FAT1: variants seen among roughly 807,000 people sequenced by gnomAD.
FAT1 encodes the protein FAT atypical cadherin 1.
A neutral mutation model predicts 329.8 loss-of-function variants in FAT1; 171 were observed. The observed-to-expected ratio is 0.52, with a 90% CI of 0.46 to 0.59. The LOEUF is 0.59. Among genes scored for constraint, FAT1 ranks in the 20% least tolerant of loss-of-function variants. FAT1 has a pLI of 0.00. For missense variants in FAT1, 5,672 were observed against 5,774.4 expected, an observed-to-expected ratio of 0.98 and a Z score of 0.57; for synonymous variants, 2,233 against 2,228.6, an observed-to-expected ratio of 1.00 and a Z score of -0.06.
chr4:186,644,682 A>G (rs1741274383), intron 3 of FAT1, among the ~76,000 whole-genome samples: 1 of 151,800 alleles, frequency 6.6e-6, no homozygotes, highest in Non-Finnish European at 1.5e-5. Flanking sequence ...CTATGTTTCA[A>G]TATAAAATTG....
rs768057436 is a variant in FAT1, at chr4:186,595,825, T to C, written c.13002A>G (p.Thr4334=). The C allele has an allele frequency of 6.2e-7, 1 of 1,613,774 alleles. No homozygotes were observed. The highest frequency in any genetic ancestry group is 2.2e-5 in the East Asian group (1 of 44,892). The change falls in exon 26 of 27, where the codon ACA becomes ACG. Residue 4334 remains threonine, a splice_region_variant and synonymous_variant. Transcript: ENST00000441802. ...QKPSWDFDYD[T]KVVDLDPCLS... Reference sequence around the variant, plus strand: ...GACAGGGATCAAGATCCACCACTTTTGCTAAAAGGAAGGATGACAAACAGT... The same window carrying C: ...GACAGGGATCAAGATCCACCACTTTCGCTAAAAGGAAGGATGACAAACAGT...
intron 1 of FAT1, among the ~76,000 whole-genome samples, chr4:186,718,484 T>C (rs897368159): frequency 1.3e-4 from 20 of 152,146 alleles, no homozygotes; most frequent in Non-Finnish European, 2.5e-4. Flanking sequence ...CTGGCCAACA[T>C]GGTGAAACCC....
Position 186,603,795 on chromosome 4 carries a change from A to G in FAT1, c.10731T>C (p.Thr3577=). 6.2e-7 allele frequency: 1 copy of G among 1,613,952 alleles called. No individual in the cohort carries two copies. The highest frequency in any genetic ancestry group is 8.5e-7 in the Non-Finnish European group (1 of 1,179,896). The change falls in exon 19 of 27, where the codon ACT becomes ACC. Residue 3577 remains threonine, a synonymous_variant. Transcript: ENST00000441802. ...IHATDQDVYD[T]LTYSLDPQMD... is the part of the protein sequence containing the mutation. ...TCTGAGGGTCGAGACTGTAGGTTAG[A>G]GTATCATACACGTCCTGGTCTGTGG...
chr4:186,699,267 T>TA lies in FAT1; in HGVS notation c.3265+7295dup, dbSNP rs543308509. 4.3e-3 allele frequency among the ~76,000 whole-genome samples: 642 copies of TA among 150,992 alleles called. 13 individuals carry two copies. Among genetic ancestry groups the TA allele is most frequent in the Admixed American group, 0.035 (525 of 15,118 alleles). Reference sequence around the variant, plus strand: ...ACATAAATAGCTGAGTAACTTTTATTAAAAAAAAACAAAAAACCAATTGAT... The same window carrying TA: ...ACATAAATAGCTGAGTAACTTTTATTAAAAAAAAAACAAAAAACCAATTGAT... On this transcript the variant is annotated intron_variant, in intron 2 of 26. Coordinates refer to ENST00000441802, the MANE Select transcript of FAT1 (RefSeq NM_005245.4).
At position 186,603,754 on chromosome 4, in the gene FAT1, G is replaced by A. The variant is rs1345646956; in HGVS notation, c.10772C>T (p.Ser3591Phe). Reference protein sequence around the residue: ...SLDPQMDNLFSVSSTGGKLIA... With the variant: ...SLDPQMDNLFFVSSTGGKLIA... ...CAGCTTGCCCCCTGTGCTGGAAACAGAGAACAGGTTGTCCATCTGAGGGTC... is the reference window on the plus strand; with the variant it reads ...CAGCTTGCCCCCTGTGCTGGAAACAAAGAACAGGTTGTCCATCTGAGGGTC... Residue 3591 changes from serine to phenylalanine, a missense_variant, in exon 19 of 27, where the codon TCT becomes TTT. By Grantham distance (155) the Ser-to-Phe change is radical (BLOSUM62 -2). This residue lies in a region of FAT1 where 1,706 missense variants were observed against 1,859.1 expected (regional missense o/e 0.92). Coordinates refer to ENST00000441802, the MANE Select transcript of FAT1 (RefSeq NM_005245.4). 1 of 1,613,838 alleles carries A rather than the reference G, an allele frequency of 6.2e-7. No individual in the cohort carries two copies. Among genetic ancestry groups the A allele is most frequent in the Non-Finnish European group, 8.5e-7 (1 of 1,179,878 alleles).
At chr4:186,714,086 G>A (rs1176872619) in intron 1 of FAT1, among the ~76,000 whole-genome samples, 2 of 152,300 alleles carry the variant, frequency 1.3e-5, no homozygotes, top group East Asian at 1.9e-4. Context: ...GTCCCCCAGC[G>A]GATTCTGAAC....
chr4:186,712,963 G>C (rs1339335985), intron 1 of FAT1, among the ~76,000 whole-genome samples: 1 of 151,846 alleles, frequency 6.6e-6, no homozygotes, highest in South Asian at 2.1e-4. Flanking sequence ...CATCCTGGGA[G>C]AGAACCTATC....
intron 2 of FAT1, among the ~76,000 whole-genome samples, chr4:186,673,078 C>T (rs1242147422): frequency 6.6e-6 from 1 of 152,010 alleles, no homozygotes; most frequent in African/African-American, 2.4e-5. Context: ...AAAATATAAA[C>T]GTATAAAAGT....
intron 2 of FAT1, among the ~76,000 whole-genome samples, chr4:186,692,147 A>C (rs1743798555): frequency 6.6e-6 from 1 of 152,220 alleles, no homozygotes; most frequent in Admixed American, 6.5e-5. Context: ...TTAGTGAGTC[A>C]ATACAGTTAC....
intron 3 of FAT1, among the ~76,000 whole-genome samples, chr4:186,654,676 A>G (rs1741820498): frequency 6.6e-6 from 1 of 152,152 alleles, no homozygotes; most frequent in African/African-American, 2.4e-5. Context: ...TTGGGAGGCC[A>G]AGATGGGAGG....
At chr4:186,639,404 A>T (rs1740991550) in intron 4 of FAT1, among the ~76,000 whole-genome samples, 1 of 152,216 alleles carries the variant, frequency 6.6e-6, no homozygotes, top group Admixed American at 6.5e-5. Context: ...TCACTTATGT[A>T]AATGCAAATG....
At chr4:186,613,039 G>A (rs1161195664) in intron 13 of FAT1, 70 bp downstream of exon 13, 1 of 998,432 alleles carries the variant, frequency 1.0e-6, no homozygotes, top group Non-Finnish European at 1.5e-6. Flanking sequence ...TGAATCTGGG[G>A]TGTGTTTTGA....
At chr4:186,612,171 T>C (rs557558365) in intron 13 of FAT1, among the ~76,000 whole-genome samples, 57 of 151,348 alleles carry the variant, frequency 3.8e-4, no homozygotes, top group African/African-American at 1.2e-3. Flanking sequence ...AACGCTAATA[T>C]ACATTATTCG....
At position 186,615,917 on chromosome 4, in the gene FAT1, T is replaced by C. The variant is rs548512544; in HGVS notation, c.9075+1088A>G. ...AAACATGGTCAACTGTATGTCTCAT[T>C]ACTTTAGCAAACTGGAATTGGAACT... On this transcript the variant is annotated intron_variant, in intron 11 of 26. Transcript: ENST00000441802. Among the ~76,000 whole-genome samples, 34 of 152,310 alleles carry C rather than the reference T, an allele frequency of 2.2e-4. No individual in the cohort carries two copies. In the East Asian group the frequency reaches 5.6e-3, roughly 25 times the overall value.
chr4:186,636,415 C>G lies in FAT1; in HGVS notation c.3972+170G>C, dbSNP rs187922408. ...ATTTCATGACCACATTCAACATAAACAATAAGCACCCTGATTCTCAAACGT... is the reference window on the plus strand; with the variant it reads ...ATTTCATGACCACATTCAACATAAAGAATAAGCACCCTGATTCTCAAACGT... On this transcript the variant is annotated intron_variant, in intron 5 of 26. Coordinates refer to ENST00000441802, the MANE Select transcript of FAT1 (RefSeq NM_005245.4). 7.2e-5 allele frequency among the ~76,000 whole-genome samples: 11 copies of G among 152,270 alleles called. No individual in the cohort carries two copies. In the East Asian group the frequency reaches 2.1e-3, roughly 29 times the overall value.
intron 9 of FAT1, among the ~76,000 whole-genome samples, chr4:186,622,203 C>T (rs777874565): frequency 1.3e-5 from 2 of 152,162 alleles, no homozygotes; most frequent in Non-Finnish European, 2.9e-5. Context: ...GTATTCATTA[C>T]GAAAGATTTC....
chr4:186,673,987 AC>A (rs1742843990), intron 2 of FAT1, among the ~76,000 whole-genome samples: 1 of 152,232 alleles, frequency 6.6e-6, no homozygotes, highest in African/African-American at 2.4e-5. Context: ...CATCCACAAG[AC>A]AGCCTTCAGA....
intron 26 of FAT1, among the ~76,000 whole-genome samples, chr4:186,593,354 GT>G (rs1409570722): frequency 6.6e-6 from 1 of 152,166 alleles, no homozygotes; most frequent in African/African-American, 2.4e-5. Context: ...TTTCATTTGT[GT>G]ATCAGATTGT....
chr4:186,592,675 G>A (rs776654583), intron 26 of FAT1: 18 of 456,384 alleles, frequency 3.9e-5, no homozygotes, highest in South Asian at 2.3e-4. Flanking sequence ...ACACAAGCAC[G>A]AGCACTTACA....
Sources: gnomAD v4.1 joint callset for allele counts (sites outside exome capture counted in the v4.1 genomes callset) on GRCh38, gnomAD v4.1.1 for gene constraint, gnomAD v4.1.1 regional missense constraint, MANE v1.5 for transcripts, NCBI Gene and HGNC (gene_info 2026-07-23, HGNC 2026-07-21) for gene names.